SGMS1: variants seen among roughly 807,000 people sequenced by gnomAD.
SGMS1 encodes the protein sphingomyelin synthase 1.
A neutral mutation model predicts 46.2 loss-of-function variants in SGMS1; 13 were observed. The ratio of observed to expected loss-of-function variants is 0.28; its 90% CI spans 0.18 to 0.45. The LOEUF (loss-of-function observed/expected upper bound fraction) is 0.45. Ranked by LOEUF, SGMS1 falls within the 20% of genes least tolerant of loss-of-function variation. SGMS1 has a pLI of 1.00. For synonymous variants in SGMS1, 203 were observed against 187.8 expected (o/e 1.08, Z -0.66); for missense variants, 324 against 519.9 (o/e 0.62, Z 3.66).
intron 3 of SGMS1, among the ~76,000 whole-genome samples, chr10:50,482,840 C>T (rs1164196159): frequency 6.6e-6 from 1 of 152,022 alleles, no homozygotes; most frequent in East Asian, 1.9e-4. Context: ...TACACATAGG[C>T]TCAAAATAAA....
intron 2 of SGMS1, among the ~76,000 whole-genome samples, chr10:50,580,929 A>G (rs1588883290): frequency 1.3e-5 from 2 of 152,306 alleles, no homozygotes; most frequent in East Asian, 3.9e-4. Context: ...TGTTTTTACT[A>G]CAATATGTTT....
chr10:50,415,154 AGACATTGCATATCTAT>A (rs1849152261), intron 6 of SGMS1, among the ~76,000 whole-genome samples: 1 of 152,246 alleles, frequency 6.6e-6, no homozygotes, highest in Non-Finnish European at 1.5e-5. Flanking sequence ...CTGATGAAGC[AGACATTGCATATCTAT>A]GGCAATGCCC....
intron 5 of SGMS1, among the ~76,000 whole-genome samples, chr10:50,442,453 C>G (rs1278907174): frequency 6.6e-6 from 1 of 151,812 alleles, no homozygotes; most frequent in Non-Finnish European, 1.5e-5. Context: ...GTTTTCTGTT[C>G]CCACATTAGT....
upstream of SGMS1, chr10:50,625,006 G>A (rs1838909144): frequency 9.8e-7 from 1 of 1,016,714 alleles, no homozygotes; most frequent in Middle Eastern, 3.5e-4. Context: ...GGAGCTGGCG[G>A]GACCGTCCTC....
At chr10:50,504,909 A>C (rs1355533470) in intron 3 of SGMS1, among the ~76,000 whole-genome samples, 1 of 152,184 alleles carries the variant, frequency 6.6e-6, no homozygotes, top group East Asian at 1.9e-4. Flanking sequence ...CCCAGTAGTA[A>C]AAAGATACAA....
At chr10:50,623,409 T>C (rs1434497049) in intron 1 of SGMS1, among the ~76,000 whole-genome samples, 2 of 151,918 alleles carry the variant, frequency 1.3e-5, no homozygotes, top group Admixed American at 1.3e-4. Context: ...AGGTGCCCAC[T>C]GACGCCTCCT....
chr10:50,547,640 C>A (rs1004013978), intron 2 of SGMS1, among the ~76,000 whole-genome samples: 4 of 152,148 alleles, frequency 2.6e-5, no homozygotes, highest in Non-Finnish European at 5.9e-5. Context: ...ACTATTTCTA[C>A]TGAAACTATT....
At chr10:50,397,719 G>A (rs972202542) in intron 6 of SGMS1, among the ~76,000 whole-genome samples, 4 of 152,204 alleles carry the variant, frequency 2.6e-5, no homozygotes, top group African/African-American at 9.7e-5. Flanking sequence ...GTTTGCCAAT[G>A]ATGATAAAAT....
At chr10:50,379,345 G>C (rs183327893) in intron 6 of SGMS1, among the ~76,000 whole-genome samples, 8 of 152,004 alleles carry the variant, frequency 5.3e-5, no homozygotes, top group African/African-American at 1.7e-4. Flanking sequence ...CAAAGAATGT[G>C]GTATATCTGT....
At position 50,623,053 on chromosome 10, in the gene SGMS1, G is replaced by A. The variant is rs1182751461; in HGVS notation, c.-684+654C>T. On this transcript the variant is annotated intron_variant, in intron 1 of 10. Coordinates refer to ENST00000361781, the MANE Select transcript of SGMS1 (RefSeq NM_147156.4). The stretch of plus-strand genomic sequence containing the variant: ...CCCCGCCCCGCGGGGGCAGCCCTGC[G>A]GGGTCTCAGAGCCGCCCGCGAGCCT... Among the ~76,000 whole-genome samples, 3 of 152,102 alleles carry A rather than the reference G, an allele frequency of 2.0e-5. No individual in the cohort carries two copies. In the East Asian group the frequency reaches 5.8e-4, roughly 29 times the overall value.
rs557541759 is a variant in SGMS1, at chr10:50,519,626, G to A, written c.-498+205C>T. Among the ~76,000 whole-genome samples the A allele has an allele frequency of 6.6e-5, 10 of 152,282 alleles. No homozygotes were observed. The East Asian group carries it at 1.9e-3, about 29-fold the overall frequency. Reference sequence around the variant, plus strand: ...CTTGCCTTCTCCAGTGGGGGAGCTGGCCTCTTTAAGTGTGTTTCCTACTTT... The same window carrying A: ...CTTGCCTTCTCCAGTGGGGGAGCTGACCTCTTTAAGTGTGTTTCCTACTTT... On this transcript the variant is annotated intron_variant, in intron 3 of 10. Coordinates refer to ENST00000361781, the MANE Select transcript of SGMS1 (RefSeq NM_147156.4).
intron 8 of SGMS1, among the ~76,000 whole-genome samples, chr10:50,322,838 CAAAAAA>C (rs58049533): frequency 1.9e-5 from 1 of 51,322 alleles, no homozygotes; most frequent in Non-Finnish European, 4.2e-5. Context: ...GACTCCGTCT[CAAAAAA>C]AAAAAAAAAA....
At chr10:50,561,225 G>A (rs1249856931) in intron 2 of SGMS1, among the ~76,000 whole-genome samples, 3 of 152,158 alleles carry the variant, frequency 2.0e-5, no homozygotes, top group Non-Finnish European at 2.9e-5. Context: ...AATGTTTACC[G>A]TGTTTTGGGC....
At chr10:50,354,530 G>A (rs574837122) in intron 6 of SGMS1, among the ~76,000 whole-genome samples, 1 of 152,196 alleles carries the variant, frequency 6.6e-6, no homozygotes, top group Non-Finnish European at 1.5e-5. Context: ...CACAGGCATG[G>A]GCAAGAACTT....
intron 1 of SGMS1, among the ~76,000 whole-genome samples, chr10:50,615,884 G>A (rs534607215): frequency 3.3e-5 from 5 of 152,210 alleles, no homozygotes; most frequent in African/African-American, 1.2e-4. Flanking sequence ...GTCACATAGA[G>A]TTCTCTAATT....
chr10:50,476,295 G>A (rs1837426916), intron 3 of SGMS1, among the ~76,000 whole-genome samples: 1 of 137,362 alleles, frequency 7.3e-6, no homozygotes, highest in Non-Finnish European at 1.6e-5. Context: ...GGGAAGGGAA[G>A]GGAGGGGAGG....
chr10:50,614,798 GC>G (rs1241677972), intron 1 of SGMS1, among the ~76,000 whole-genome samples: 5 of 152,238 alleles, frequency 3.3e-5, no homozygotes, highest in African/African-American at 1.2e-4. Context: ...TGTTATTTCT[GC>G]CACCTGGCAA....
chr10:50,518,976 G>A (rs984124505), intron 3 of SGMS1, among the ~76,000 whole-genome samples: 5 of 152,134 alleles, frequency 3.3e-5, no homozygotes, highest in African/African-American at 1.2e-4. Context: ...AGATTGGAGG[G>A]AAGGGAGACA....
chr10:50,400,189 T>C (rs1848912281), intron 6 of SGMS1, among the ~76,000 whole-genome samples: 1 of 151,794 alleles, frequency 6.6e-6, no homozygotes, highest in African/African-American at 2.4e-5. Flanking sequence ...GGAAGGTTAG[T>C]ACAGTTGTCA....
Sources: allele counts gnomAD v4.1 joint callset (sites outside exome capture counted in the v4.1 genomes callset), GRCh38; gene constraint gnomAD v4.1.1; transcripts MANE v1.5; gene names NCBI Gene and HGNC (gene_info 2026-07-23, HGNC 2026-07-21).